PCDH9: variants seen among roughly 807,000 people sequenced by gnomAD.
PCDH9 encodes protocadherin-9.
Under a neutral mutation model 70.6 loss-of-function variants are expected in PCDH9, and 24 were observed. The ratio of observed to expected loss-of-function variants is 0.34; its 90% confidence interval spans 0.25 to 0.48. The LOEUF (loss-of-function observed/expected upper bound fraction) is 0.48, where lower values mean the gene tolerates loss of function less well. PCDH9 is among the 20% of genes least tolerant of loss of function. The probability of loss-of-function intolerance (pLI) is 0.99; values close to 1 mark genes in which losing one functional copy is unlikely to be tolerated. For synonymous variants in PCDH9, 562 were observed against 558.5 expected, an observed-to-expected ratio of 1.01 and a Z score of -0.09; for missense variants, 1,281 against 1,503.6, an observed-to-expected ratio of 0.85 and a Z score of 2.45.
chr13:66,570,058 T>C (rs761427215), intron 4 of PCDH9, among the ~76,000 whole-genome samples: 6 of 152,160 alleles, frequency 3.9e-5, no homozygotes, highest in Non-Finnish European at 7.4e-5. Flanking sequence ...GCTATTACCA[T>C]GGAATTCTAT....
intron 2 of PCDH9, chr13:67,213,774 C>T (rs1046111762): frequency 1.3e-5 from 2 of 152,016 alleles, no homozygotes; most frequent in South Asian, 4.1e-4. Flanking sequence ...ATGAAACTGT[C>T]TTCTTATATA....
At chr13:66,860,985 T>C (rs1425064289) in intron 3 of PCDH9, among the ~76,000 whole-genome samples, 1 of 152,232 alleles carries the variant, frequency 6.6e-6, no homozygotes, top group Non-Finnish European at 1.5e-5. Flanking sequence ...TGCACTAATT[T>C]ATCCCACTTG....
chr13:66,488,651 A>G (rs1958985621), intron 4 of PCDH9, among the ~76,000 whole-genome samples: 2 of 152,186 alleles, frequency 1.3e-5, no homozygotes, highest in Non-Finnish European at 1.5e-5. Context: ...GTATTAGTAG[A>G]AGAATAATTT....
At chr13:66,410,585 C>T (rs567850076) in intron 4 of PCDH9, among the ~76,000 whole-genome samples, 1 of 152,174 alleles carries the variant, frequency 6.6e-6, no homozygotes, top group African/African-American at 2.4e-5. Flanking sequence ...AATGCTCCAG[C>T]CATTGCAGTC....
intron 3 of PCDH9, among the ~76,000 whole-genome samples, chr13:66,663,359 G>C (rs2078045180): frequency 1.3e-5 from 2 of 152,102 alleles, no homozygotes; most frequent in South Asian, 4.1e-4. Context: ...AAAAAAACCT[G>C]GGCAGAACCT....
At chr13:66,945,983 G>T (rs12869004) in intron 2 of PCDH9, among the ~76,000 whole-genome samples, 10,183 of 152,132 alleles carry the variant, frequency 0.067, 835 homozygotes, top group African/African-American at 0.2. Context: ...AACCTCTAAA[G>T]TTTTCCAACA....
At chr13:66,469,629 G>A (rs559807411) in intron 4 of PCDH9, among the ~76,000 whole-genome samples, 8 of 151,978 alleles carry the variant, frequency 5.3e-5, no homozygotes, top group Non-Finnish European at 1.0e-4. Flanking sequence ...ATGCCACAGC[G>A]TGTTTTAATT....
intron 3 of PCDH9, among the ~76,000 whole-genome samples, chr13:66,638,378 A>T (rs1014890604): frequency 2.6e-5 from 4 of 152,000 alleles, no homozygotes; most frequent in Admixed American, 6.6e-5. Context: ...TCTAGGTAAG[A>T]AAAAAAAGGC....
chr13:67,216,787 T>C (rs1007440951), intron 2 of PCDH9: 6 of 149,274 alleles, frequency 4.0e-5, no homozygotes, highest in African/African-American at 1.5e-4. Flanking sequence ...AAATCAGATG[T>C]ATTAACAACA....
At chr13:66,355,355 C>G (rs144315150) in intron 4 of PCDH9, among the ~76,000 whole-genome samples, 403 of 152,200 alleles carry the variant, frequency 2.6e-3, no homozygotes, top group African/African-American at 9.2e-3. Flanking sequence ...ATGTTTCCAG[C>G]TGACTTCCAA....
chr13:66,562,806 G>A (rs184661199), intron 4 of PCDH9, among the ~76,000 whole-genome samples: 35 of 152,196 alleles, frequency 2.3e-4, no homozygotes, highest in African/African-American at 7.9e-4. Flanking sequence ...ATGAAATGGA[G>A]TCACAGGACT....
chr13:66,326,808 A>G (rs1027564864), intron 4 of PCDH9, among the ~76,000 whole-genome samples: 1 of 152,208 alleles, frequency 6.6e-6, no homozygotes, highest in Non-Finnish European at 1.5e-5. Flanking sequence ...TAAGCTTTTT[A>G]CATAAAAATA....
intron 3 of PCDH9, among the ~76,000 whole-genome samples, chr13:66,797,825 T>C (rs1037697625): frequency 2.0e-5 from 3 of 152,098 alleles, no homozygotes; most frequent in East Asian, 1.9e-4. Flanking sequence ...GCAGGGTCTT[T>C]AAAGCCTTTT....
chr13:66,651,514 A>C (rs1384435777), intron 3 of PCDH9, among the ~76,000 whole-genome samples: 1 of 152,014 alleles, frequency 6.6e-6, no homozygotes, highest in African/African-American at 2.4e-5. Context: ...GTAATAAAGT[A>C]CTAAAAAGTC....
At chr13:67,181,382 C>A (rs987142427) in intron 2 of PCDH9, among the ~76,000 whole-genome samples, 1 of 151,898 alleles carries the variant, frequency 6.6e-6, no homozygotes, top group African/African-American at 2.4e-5. Flanking sequence ...ATTTCATAAG[C>A]CGTAGAGGAA....
chr13:66,729,806 C>T (rs2079049263), intron 3 of PCDH9, among the ~76,000 whole-genome samples: 1 of 152,128 alleles, frequency 6.6e-6, no homozygotes, highest in Non-Finnish European at 1.5e-5. Context: ...AATGTCTTGA[C>T]TTTTATGCAT....
chr13:66,658,087 C>T (rs181530584), intron 3 of PCDH9, among the ~76,000 whole-genome samples: 96 of 152,174 alleles, frequency 6.3e-4, no homozygotes, highest in African/African-American at 2.2e-3. Context: ...AAGAACAATG[C>T]CATTTTCTAT....
chr13:66,305,151 G>T, intron 4 of PCDH9, 123 bp from the exon 5 acceptor site: 1 of 840,494 alleles, frequency 1.2e-6, no homozygotes, highest in Non-Finnish European at 1.8e-6. Context: ...ATCAAGTCAA[G>T]CAACTCAAAG....
At chr13:66,313,575 T>C (rs559741600) in intron 4 of PCDH9, among the ~76,000 whole-genome samples, 7 of 152,326 alleles carry the variant, frequency 4.6e-5, no homozygotes, top group African/African-American at 1.7e-4. Context: ...TGAATACAGG[T>C]CATACACAAT....
Sources: allele counts gnomAD v4.1 joint callset (sites outside exome capture counted in the v4.1 genomes callset), GRCh38; gene constraint gnomAD v4.1.1; transcripts MANE v1.5; gene names NCBI Gene and HGNC (gene_info 2026-07-23, HGNC 2026-07-21).